The following CUL5 variants were observed in gnomAD, a reference collection of about 807,000 sequenced individuals.
The protein encoded by CUL5 is cullin 5.
Under a neutral mutation model 108.8 loss-of-function variants are expected in CUL5, and 26 were observed. That is an observed-to-expected ratio of 0.24 (90% confidence interval 0.18 to 0.33). The LOEUF is 0.33. CUL5 is among the 10% of genes least tolerant of loss of function. The probability of loss-of-function intolerance (pLI) is 1.00; values close to 1 mark genes in which losing one functional copy is unlikely to be tolerated. For synonymous variants in CUL5, 334 were observed against 298.0 expected (o/e 1.12, Z -1.25); for missense variants, 524 against 909.2 (o/e 0.58, Z 5.45).
At chr11:108,056,595 C>T (rs1314705949) in intron 7 of CUL5, among the ~76,000 whole-genome samples, 1 of 152,014 alleles carries the variant, frequency 6.6e-6, no homozygotes, top group East Asian at 1.9e-4. Flanking sequence ...CAGGTTTGGG[C>T]TACATTCAGA....
chr11:108,034,003 C>T, intron 2 of CUL5, 92 bp downstream of exon 2: 1 of 764,580 alleles, frequency 1.3e-6, no homozygotes, highest in South Asian at 1.6e-5. Context: ...CTAAGTTTAT[C>T]TGTTTACCTA....
At chr11:108,073,242 C>T in intron 9 of CUL5, 148 bp from the exon 10 acceptor site, 1 of 485,916 alleles carries the variant, frequency 2.1e-6, no homozygotes, top group Non-Finnish European at 3.7e-6. Flanking sequence ...AGTGGCAAAA[C>T]AGTAATATTG....
At chr11:108,097,489 A>G (rs895811937) in intron 16 of CUL5, 147 bp from the exon 17 acceptor site, 5 of 558,646 alleles carry the variant, frequency 9.0e-6, no homozygotes, top group African/African-American at 5.6e-5. Context: ...CTCATTATGC[A>G]TTCAAATGTT....
At chr11:108,045,466 T>A (rs1863042162) in intron 2 of CUL5, among the ~76,000 whole-genome samples, 1 of 152,158 alleles carries the variant, frequency 6.6e-6, no homozygotes, top group Non-Finnish European at 1.5e-5. Context: ...ATGCTTGTAG[T>A]CCCAGCTACT....
At chr11:108,093,801 A>G (rs924061117) in intron 13 of CUL5, among the ~76,000 whole-genome samples, 3 of 152,182 alleles carry the variant, frequency 2.0e-5, no homozygotes, top group African/African-American at 7.2e-5. Context: ...GGCTCAAGCA[A>G]TCCACCCACC....
At chr11:108,095,765 T>C in intron 16 of CUL5, 74 bp downstream of exon 16, 1 of 1,273,842 alleles carries the variant, frequency 7.9e-7, no homozygotes, top group Non-Finnish European at 1.1e-6. Context: ...GCTTGTAATA[T>C]ATTAGTAAAT....
intron 1 of CUL5, among the ~76,000 whole-genome samples, chr11:108,018,817 A>G (rs1328249554): frequency 6.6e-6 from 1 of 152,188 alleles, no homozygotes; most frequent in African/African-American, 2.4e-5. Flanking sequence ...TGTACTTGCA[A>G]TGTAACAATG....
At chr11:108,020,069 G>T (rs1214586449) in intron 1 of CUL5, among the ~76,000 whole-genome samples, 4 of 152,088 alleles carry the variant, frequency 2.6e-5, no homozygotes. Context: ...GTACATGAGG[G>T]ATCCACCACC....
At chr11:108,050,936 C>T (rs916478396) in intron 4 of CUL5, among the ~76,000 whole-genome samples, 10 of 152,150 alleles carry the variant, frequency 6.6e-5, no homozygotes, top group Non-Finnish European at 1.0e-4. Flanking sequence ...CTTCAAACTC[C>T]GTCCTCATTT....
chr11:108,095,061 A>G, intron 15 of CUL5, 74 bp downstream of exon 15: 1 of 1,287,192 alleles, frequency 7.8e-7, no homozygotes, highest in Non-Finnish European at 1.1e-6. Flanking sequence ...GAATTGCTTA[A>G]ACAAAATAGA....
intron 7 of CUL5, among the ~76,000 whole-genome samples, chr11:108,059,754 C>T (rs936027312): frequency 2.0e-4 from 31 of 151,676 alleles, no homozygotes; most frequent in Admixed American, 4.6e-4. Flanking sequence ...CGTGGTGGCA[C>T]GCACCTGTAA....
intron 2 of CUL5, among the ~76,000 whole-genome samples, chr11:108,039,329 T>G (rs1862830159): frequency 6.6e-6 from 1 of 152,182 alleles, no homozygotes. Flanking sequence ...CTGTCCATGC[T>G]TATGAACTCC....
chr11:108,051,935 TC>T (rs1463201409), intron 4 of CUL5, among the ~76,000 whole-genome samples: 6 of 152,314 alleles, frequency 3.9e-5, no homozygotes, highest in African/African-American at 9.6e-5. Context: ...GGGATTCAAA[TC>T]CAGTTGGATT....
chr11:108,037,225 T>G (rs1485120336), intron 2 of CUL5, among the ~76,000 whole-genome samples: 2 of 152,132 alleles, frequency 1.3e-5, no homozygotes, highest in African/African-American at 4.8e-5. Context: ...ATTTTCCTGG[T>G]TTAGAGCTAT....
At chr11:108,102,622 TC>T (rs549877766) in intron 18 of CUL5, among the ~76,000 whole-genome samples, 127 of 151,978 alleles carry the variant, frequency 8.4e-4, no homozygotes, top group African/African-American at 2.8e-3. Context: ...TGAGCCACCC[TC>T]CCTGGCTGGT....
rs1864743549 is a variant in CUL5, at chr11:108,104,500, T to A, written c.*116T>A. ...GACTTTGATTACATAAATATTAAAA[T>A]CTCTGCCTTACCTTACAAAAACAAC... On this transcript the variant is annotated 3_prime_UTR_variant, in exon 19 of 19. Transcript: ENST00000393094. 3.1e-6 allele frequency: 2 copies of A among 647,188 alleles called. No individual in the cohort carries two copies. The highest frequency in any genetic ancestry group is 5.1e-6 in the Non-Finnish European group (2 of 389,072). 40.1% of individuals were successfully genotyped at this position (647,188 alleles called of 1,614,324 possible).
Position 108,049,948 on chromosome 11 carries a change from G to A in CUL5, c.293G>A (p.Arg98Gln). The change falls in exon 4 of 19, where the codon CGA (arginine) becomes CAA (glutamine). Residue 98 changes from arginine (R) to glutamine (Q), a missense_variant. By Grantham distance (43) the Arg-to-Gln change is conservative (BLOSUM62 1). Coordinates refer to ENST00000393094, the MANE Select transcript of CUL5 (RefSeq NM_003478.6). ...CTAAAAGCATATATTGTTGAATGGCGAAAGTTCTTTACACAATGTGATATT... is the reference window on the plus strand; with the variant it reads ...CTAAAAGCATATATTGTTGAATGGCAAAAGTTCTTTACACAATGTGATATT... The part of the protein sequence containing the change: ...ALLKAYIVEW[R>Q]KFFTQCDILP... 3 of 1,613,686 alleles carry A rather than the reference G, an allele frequency of 1.9e-6. No individual in the cohort carries two copies. The highest frequency in any genetic ancestry group is 1.1e-5 in the South Asian group (1 of 91,058).
intron 2 of CUL5, among the ~76,000 whole-genome samples, chr11:108,036,678 A>G (rs147312305): frequency 0.015 from 2,350 of 152,284 alleles, 56 homozygotes; most frequent in African/African-American, 0.053. Flanking sequence ...GGTTTTCACC[A>G]TGTTGGCCGG....
intron 1 of CUL5, among the ~76,000 whole-genome samples, chr11:108,013,501 A>T (rs1456941281): frequency 6.6e-6 from 1 of 152,036 alleles, no homozygotes; most frequent in Non-Finnish European, 1.5e-5. Context: ...TCTCTCTCAT[A>T]CATGTGTGCG....
Sources: allele counts gnomAD v4.1 joint callset (sites outside exome capture counted in the v4.1 genomes callset), GRCh38; gene constraint gnomAD v4.1.1; transcripts MANE v1.5; gene names NCBI Gene and HGNC (gene_info 2026-07-23, HGNC 2026-07-21).